EDAR: variants seen among roughly 807,000 people sequenced by gnomAD.
EDAR encodes the protein ectodysplasin A receptor.
In EDAR, 38 loss-of-function variants were observed where a neutral mutation model predicts 51.3. That is an observed-to-expected ratio of 0.74 (90% confidence interval 0.57 to 0.97). The LOEUF (loss-of-function observed/expected upper bound fraction) is 0.97. Ranked by LOEUF, EDAR falls within the 50% of genes least tolerant of loss-of-function variation. The pLI is 0.00. For missense variants in EDAR, 528 were observed against 595.0 expected (o/e 0.89, Z 1.17); for synonymous variants, 227 against 242.1 (o/e 0.94, Z 0.58).
chr2:108,942,839 A>G (rs916139873), intron 1 of EDAR, among the ~76,000 whole-genome samples: 2 of 152,224 alleles, frequency 1.3e-5, no homozygotes, highest in African/African-American at 4.8e-5. Context: ...AAACATTTTC[A>G]GGCTCCCAGT....
intron 1 of EDAR, among the ~76,000 whole-genome samples, chr2:108,953,070 C>A (rs183150977): frequency 6.6e-6 from 1 of 152,312 alleles, no homozygotes; most frequent in Admixed American, 6.5e-5. Flanking sequence ...GCATGCAATG[C>A]GTAATAACCA....
chr2:108,967,617 C>T (rs766351398), intron 1 of EDAR, among the ~76,000 whole-genome samples: 2 of 152,188 alleles, frequency 1.3e-5, no homozygotes, highest in Non-Finnish European at 2.9e-5. Context: ...GCTGTCCATG[C>T]CTGACAGAGT....
intron 1 of EDAR, among the ~76,000 whole-genome samples, chr2:108,981,672 A>G (rs1454798949): frequency 6.6e-6 from 1 of 152,178 alleles, no homozygotes; most frequent in East Asian, 1.9e-4. Context: ...TAGTTATGAT[A>G]CAAGGTTAGA....
chr2:108,898,646 A>G (rs1696644632), intron 11 of EDAR, among the ~76,000 whole-genome samples: 1 of 152,262 alleles, frequency 6.6e-6, no homozygotes. Context: ...TAATCTGAAA[A>G]AGGTTTTAAA....
intron 5 of EDAR, 129 bp downstream of exon 5, chr2:108,923,238 AC>A: frequency 2.2e-6 from 2 of 896,388 alleles, no homozygotes; most frequent in Middle Eastern, 2.4e-4. Flanking sequence ...CCACAGGAGC[AC>A]TTTCACTAGT....
chr2:108,903,427 C>A (rs1696737461), intron 11 of EDAR, among the ~76,000 whole-genome samples: 1 of 151,684 alleles, frequency 6.6e-6, no homozygotes, highest in Admixed American at 6.6e-5. Context: ...ACTAGAATAG[C>A]TAAAAGATTT....
At chr2:108,901,958 G>T (rs574440016) in intron 11 of EDAR, among the ~76,000 whole-genome samples, 1 of 151,902 alleles carries the variant, frequency 6.6e-6, no homozygotes, top group African/African-American at 2.4e-5. Flanking sequence ...CAAAAATTAG[G>T]GCTGGGCATG....
chr2:108,929,455 G>T, intron 3 of EDAR, 76 bp from the exon 4 acceptor site: 1 of 1,487,666 alleles, frequency 6.7e-7, no homozygotes, highest in East Asian at 2.3e-5. Flanking sequence ...ACAGTCCTTG[G>T]GCAGTGACGT....
chr2:108,901,392 C>G (rs1206323114), intron 11 of EDAR, among the ~76,000 whole-genome samples: 1 of 152,152 alleles, frequency 6.6e-6, no homozygotes, highest in Non-Finnish European at 1.5e-5. Context: ...AGTTAACAAT[C>G]TAAGCTCCCA....
At chr2:108,928,848 G>A (rs1697307251) in intron 4 of EDAR, among the ~76,000 whole-genome samples, 1 of 152,220 alleles carries the variant, frequency 6.6e-6, no homozygotes, top group Non-Finnish European at 1.5e-5. Flanking sequence ...TACTAAAAAT[G>A]CTGCTTTTGC....
rs762426074 is a variant in EDAR at position 108,930,146 on chromosome 2, ACGGG to A, written c.144_147del (p.Pro49ValfsTer53). On this transcript the variant is annotated frameshift_variant, in exon 3 of 12. Coordinates refer to ENST00000258443, the MANE Select transcript of EDAR (RefSeq NM_022336.4). LOFTEE classifies it high-confidence loss of function. ...AGGTAGGGCTCCTCTCCCGGCCCAC[ACGGG>A]GGGCACTCCTGGCACAGCCCCGTAG... The A allele has an allele frequency of 6.2e-7, 1 of 1,613,928 alleles. No individual in the cohort carries two copies. The highest frequency in any genetic ancestry group is 8.5e-7 in the Non-Finnish European group (1 of 1,180,004).
intron 4 of EDAR, among the ~76,000 whole-genome samples, chr2:108,927,082 G>A (rs1032508641): frequency 6.6e-6 from 1 of 152,206 alleles, no homozygotes; most frequent in Non-Finnish European, 1.5e-5. Context: ...GACTGGCAGT[G>A]AGGCTTTGAG....
intron 6 of EDAR, among the ~76,000 whole-genome samples, chr2:108,911,491 G>A (rs1246178672): frequency 6.6e-6 from 1 of 152,194 alleles, no homozygotes; most frequent in African/African-American, 2.4e-5. Context: ...CTGGATTCCA[G>A]GTTTGGCTCC....
intron 4 of EDAR, among the ~76,000 whole-genome samples, chr2:108,924,220 C>A (rs1003147923): frequency 2.6e-5 from 4 of 152,234 alleles, no homozygotes; most frequent in African/African-American, 9.6e-5. Context: ...TGTCACAGTG[C>A]CAGCCCCGTG....
chr2:108,983,517 T>G (rs536460925), intron 1 of EDAR, among the ~76,000 whole-genome samples: 3 of 152,296 alleles, frequency 2.0e-5, no homozygotes, highest in Admixed American at 6.5e-5. Context: ...TCCACTTTCC[T>G]GTATTCATCA....
intron 11 of EDAR, among the ~76,000 whole-genome samples, chr2:108,903,312 T>C (rs1696735878): frequency 6.6e-6 from 1 of 152,168 alleles, no homozygotes; most frequent in African/African-American, 2.4e-5. Flanking sequence ...ATGTCAAATC[T>C]TCCCAGATTG....
chr2:108,948,186 A>C (rs1271482204), intron 1 of EDAR, among the ~76,000 whole-genome samples: 1 of 151,838 alleles, frequency 6.6e-6, no homozygotes, highest in African/African-American at 2.4e-5. Context: ...AGCAAGAGTG[A>C]CCTTTGCTTC....
chr2:108,961,761 C>G (rs1437525919), intron 1 of EDAR, among the ~76,000 whole-genome samples: 4 of 152,134 alleles, frequency 2.6e-5, no homozygotes, highest in African/African-American at 9.7e-5. Context: ...GAGAAGTGAT[C>G]AGCCCATGTG....
At chr2:108,972,721 T>A (rs2104445761) in intron 1 of EDAR, among the ~76,000 whole-genome samples, 1 of 152,346 alleles carries the variant, frequency 6.6e-6, no homozygotes, top group Non-Finnish European at 1.5e-5. Context: ...CCTCATCTGA[T>A]TTGTCAGTCA....
Sources: gnomAD v4.1 joint callset for allele counts (sites outside exome capture counted in the v4.1 genomes callset) on GRCh38, gnomAD v4.1.1 for gene constraint, MANE v1.5 for transcripts, NCBI Gene and HGNC (gene_info 2026-07-23, HGNC 2026-07-21) for gene names.